The following CRADD variants were observed in gnomAD, a reference collection of about 807,000 sequenced individuals.
CRADD encodes the protein death domain-containing protein CRADD.
Under a neutral mutation model 15.5 loss-of-function variants are expected in CRADD, and 9 were observed. The ratio of observed to expected loss-of-function variants is 0.58; its 90% CI spans 0.35 to 1.01. The LOEUF (loss-of-function observed/expected upper bound fraction) is 1.01. Among genes scored for constraint, CRADD ranks in the 50% least tolerant of loss-of-function variants. The probability of loss-of-function intolerance (pLI) is 0.02; values close to 1 mark genes in which losing one functional copy is unlikely to be tolerated. For missense variants in CRADD, 227 were observed against 250.3 expected (o/e 0.91, Z 0.63); for synonymous variants, 118 against 107.6 (o/e 1.10, Z -0.60).
At chr12:93,808,962 T>C (rs891779843) in intron 2 of CRADD, among the ~76,000 whole-genome samples, 2 of 152,230 alleles carry the variant, frequency 1.3e-5, no homozygotes, top group Non-Finnish European at 2.9e-5. Flanking sequence ...TTGCTCAGGC[T>C]GGAGTGCAAT....
At chr12:93,776,240 T>C (rs1389051196) in intron 2 of CRADD, among the ~76,000 whole-genome samples, 2 of 152,342 alleles carry the variant, frequency 1.3e-5, no homozygotes, top group Admixed American at 6.5e-5. Context: ...TATCGAACAG[T>C]ATTTAAATTT....
rs1267933638 is a variant in CRADD at position 93,894,087 on chromosome 12, C to A, written c.336C>A (p.Cys112Ter). Residue 112 changes from cysteine to a stop codon, truncating the protein, a stop_gained, in exon 3 of 3, where the codon TGC becomes TGA. Transcript: ENST00000548483. LOFTEE classifies it high-confidence loss of function. ...TGAGGCCAAAGGATTCTGTTACTTG[C>A]CTGGCTTCACAGCTCACCTGGAGAT... is the stretch of plus-strand genomic sequence containing the variant. 1.4e-6 allele frequency: 1 copy of A among 702,486 alleles called. No homozygotes were observed. The highest frequency in any genetic ancestry group is 2.0e-5 in the Admixed American group (1 of 50,002). The allele number at this position is 702,486 out of a possible 1,614,324, so 43.5% of individuals were successfully genotyped here.
intron 2 of CRADD, among the ~76,000 whole-genome samples, chr12:93,813,938 C>G (rs142951411): frequency 6.6e-6 from 1 of 152,200 alleles, no homozygotes; most frequent in East Asian, 1.9e-4. Flanking sequence ...CCCCAGCTAC[C>G]GAGAGTGCCA....
chr12:93,704,159 A>G (rs1026236636), intron 2 of CRADD, among the ~76,000 whole-genome samples: 6 of 151,582 alleles, frequency 4.0e-5, no homozygotes, highest in African/African-American at 1.5e-4. Context: ...TAATAGCAAA[A>G]CTGGAAATTA....
chr12:93,722,892 T>G (rs899505636), intron 2 of CRADD, among the ~76,000 whole-genome samples: 2 of 152,210 alleles, frequency 1.3e-5, no homozygotes, highest in African/African-American at 2.4e-5. Flanking sequence ...TCTTGATAGC[T>G]GGGCATGAAT....
At chr12:93,817,385 C>G (rs1401065921) in intron 2 of CRADD, among the ~76,000 whole-genome samples, 1 of 152,216 alleles carries the variant, frequency 6.6e-6, no homozygotes, top group Non-Finnish European at 1.5e-5. Context: ...TGCTTTACGT[C>G]TATGACCCTG....
downstream of CRADD, among the ~76,000 whole-genome samples, chr12:93,852,865 G>C (rs1430694484): frequency 6.6e-6 from 1 of 151,238 alleles, no homozygotes; most frequent in East Asian, 1.9e-4. Context: ...GTGTGTGTGT[G>C]CATATGCATG....
chr12:93,832,523 A>G (rs1279752292), intron 2 of CRADD, among the ~76,000 whole-genome samples: 1 of 150,906 alleles, frequency 6.6e-6, no homozygotes, highest in Non-Finnish European at 1.5e-5. Context: ...ATAATATGCA[A>G]TTGAAGCTTC....
intron 2 of CRADD, among the ~76,000 whole-genome samples, chr12:93,781,398 C>T (rs1380640739): frequency 1.3e-5 from 2 of 152,138 alleles, no homozygotes; most frequent in African/African-American, 4.8e-5. Context: ...TAGAGAATTA[C>T]AGCTAATAAA....
At chr12:93,884,077 G>A (rs1015535237) in intron 2 of CRADD, among the ~76,000 whole-genome samples, 3 of 152,136 alleles carry the variant, frequency 2.0e-5, no homozygotes. Flanking sequence ...ACCCTGGTAC[G>A]GGTGAGAGGG....
At chr12:93,754,066 T>A (rs779022330) in intron 2 of CRADD, among the ~76,000 whole-genome samples, 2 of 152,266 alleles carry the variant, frequency 1.3e-5, no homozygotes, top group Non-Finnish European at 2.9e-5. Flanking sequence ...CTCTGAAATC[T>A]AAGTGGAGGT....
At chr12:93,763,971 C>T (rs1242396201) in intron 2 of CRADD, among the ~76,000 whole-genome samples, 1 of 152,150 alleles carries the variant, frequency 6.6e-6, no homozygotes, top group African/African-American at 2.4e-5. Flanking sequence ...ATCATTCCTG[C>T]AGCCCAGAAA....
rs571133896 is a variant in CRADD at position 93,890,763 on chromosome 12, C to CTTT, written c.299-3276_299-3274dup. ...GTTGTTGCTTGTTTTTTCTTTCTTT[C>CTTT]TTTTTTTTTTTTTGAGACAGAGTCT... On this transcript the variant is annotated intron_variant, in intron 2 of 2. Transcript: ENST00000548483. Among the ~76,000 whole-genome samples, 345 of 144,320 alleles carry CTTT rather than the reference C, an allele frequency of 2.4e-3. 1 individual carries two copies. Among genetic ancestry groups the CTTT allele is most frequent in the East Asian group, 9.7e-3 (48 of 4,934 alleles). The allele number at this position is 144,320 out of a possible 152,430, so 94.7% of individuals were successfully genotyped here. A position where few individuals can be genotyped will look rare whatever the true frequency, so the allele number is the denominator to read the frequency against.
intron 2 of CRADD, among the ~76,000 whole-genome samples, chr12:93,719,754 C>G (rs575575168): frequency 5.3e-5 from 8 of 152,076 alleles, no homozygotes; most frequent in Middle Eastern, 3.4e-3. Flanking sequence ...ACTTCTTTAT[C>G]CTTTTAATGT....
rs577745262 is a variant in CRADD, at chr12:93,782,028, A to G, written c.299-67942A>G. On this transcript the variant is annotated intron_variant, in intron 2 of 2. Transcript: ENST00000332896. ...AAAGGATTATAAATCATGCTGCTAT[A>G]AAGACACATGCACACGTATGTTTAT... 2.1e-3 allele frequency among the ~76,000 whole-genome samples: 324 copies of G among 152,238 alleles called. 2 individuals are homozygous for G. The highest frequency in any genetic ancestry group is 7.5e-3 in the African/African-American group (311 of 41,526).
intron 2 of CRADD, among the ~76,000 whole-genome samples, chr12:93,696,512 A>G (rs776424348): frequency 4.6e-5 from 7 of 152,242 alleles, no homozygotes; most frequent in African/African-American, 7.2e-5. Context: ...AATCTCACTT[A>G]TATGTAGAAT....
chr12:93,705,920 T>G (rs1955939928), intron 2 of CRADD, among the ~76,000 whole-genome samples: 1 of 152,244 alleles, frequency 6.6e-6, no homozygotes, highest in South Asian at 2.1e-4. Flanking sequence ...TTTTTAAACA[T>G]GTATTATTCG....
At chr12:93,779,626 GT>G (rs1472445629) in intron 2 of CRADD, among the ~76,000 whole-genome samples, 8 of 144,296 alleles carry the variant, frequency 5.5e-5, no homozygotes, top group Non-Finnish European at 1.2e-4. Flanking sequence ...GTCTCACTCT[GT>G]CACCCAGGCT....
chr12:93,801,387 C>CTATTT (rs1205771113), intron 2 of CRADD, among the ~76,000 whole-genome samples: 1 of 152,076 alleles, frequency 6.6e-6, no homozygotes, highest in African/African-American at 2.4e-5. Context: ...TTCTTAGGCC[C>CTATTT]TATTTTATTT....
Sources: allele counts gnomAD v4.1 joint callset (sites outside exome capture counted in the v4.1 genomes callset), GRCh38; gene constraint gnomAD v4.1.1; transcripts MANE v1.5; gene names NCBI Gene and HGNC (gene_info 2026-07-23, HGNC 2026-07-21).